NDUFAF6: variants seen among roughly 807,000 people sequenced by gnomAD.
The protein encoded by NDUFAF6 is NADH:ubiquinone oxidoreductase complex assembly factor 6, also known as NADH dehydrogenase (ubiquinone) complex I, assembly factor 6.
A neutral mutation model predicts 40.8 loss-of-function variants in NDUFAF6; 45 were observed. The observed-to-expected ratio is 1.10, with a 90% CI of 0.87 to 1.42. The LOEUF (loss-of-function observed/expected upper bound fraction) is 1.42, where lower values mean the gene tolerates loss of function less well. NDUFAF6 is among the 40% of genes most tolerant of loss of function. NDUFAF6 has a pLI of 0.00. For missense variants in NDUFAF6, 435 were observed against 418.5 expected (o/e 1.04, Z -0.34); for synonymous variants, 185 against 155.9 (o/e 1.19, Z -1.39).
chr8:95,075,681 A>C (rs1008016377), exon 10 of NDUFAF6: 57 of 1,288,160 alleles, frequency 4.4e-5, no homozygotes, highest in Non-Finnish European at 5.6e-5. Flanking sequence ...ACAGCCAGCC[A>C]GCCTGGGAAA....
At chr8:94,978,062 A>G (rs181718832) in intron 1 of NDUFAF6, among the ~76,000 whole-genome samples, 183 of 152,210 alleles carry the variant, frequency 1.2e-3, no homozygotes, top group African/African-American at 4.1e-3. Flanking sequence ...CCCGGGTACT[A>G]GAAGAGTCCT....
At chr8:95,056,689 G>A (rs972055434) in intron 8 of NDUFAF6, among the ~76,000 whole-genome samples, 3 of 151,898 alleles carry the variant, frequency 2.0e-5, no homozygotes, top group African/African-American at 4.8e-5. Flanking sequence ...GATGGATCAC[G>A]AGGTCAGGAG....
chr8:95,046,544 A>G (rs912260950), intron 5 of NDUFAF6, among the ~76,000 whole-genome samples: 1 of 152,226 alleles, frequency 6.6e-6, no homozygotes, highest in Non-Finnish European at 1.5e-5. Flanking sequence ...TAAAAGAATA[A>G]TACAAGTCCC....
At chr8:94,905,856 G>A (rs758658496) in intron 1 of NDUFAF6, among the ~76,000 whole-genome samples, 3 of 152,198 alleles carry the variant, frequency 2.0e-5, no homozygotes, top group Non-Finnish European at 4.4e-5. Context: ...CTGCCCACAC[G>A]TTGTAGATTA....
At chr8:94,957,930 G>C (rs11782590), upstream of NDUFAF6, 19,727 of 152,258 alleles carry the variant, frequency 0.13, 1,629 homozygotes, top group Middle Eastern at 0.23. Flanking sequence ...CCAGCTCACC[G>C]CCATTGGACC....
downstream of NDUFAF6, among the ~76,000 whole-genome samples, chr8:95,106,164 A>G (rs970378381): frequency 6.6e-6 from 1 of 151,588 alleles, no homozygotes; most frequent in East Asian, 1.9e-4. Context: ...GGTCCCAGCT[A>G]CCCGGGAGGC....
At chr8:94,941,267 C>G (rs1269044140) in intron 1 of NDUFAF6, among the ~76,000 whole-genome samples, 1 of 152,136 alleles carries the variant, frequency 6.6e-6, no homozygotes, top group African/African-American at 2.4e-5. Flanking sequence ...TTTGTAAATA[C>G]TCTTACTCAA....
At chr8:95,088,951 A>G (rs1457556056) in intron 2 of NDUFAF6, among the ~76,000 whole-genome samples, 4 of 151,626 alleles carry the variant, frequency 2.6e-5, no homozygotes, top group African/African-American at 4.9e-5. Context: ...TAGTAGAGAC[A>G]GGGTTTCACC....
At position 95,058,130 on chromosome 8, in the gene NDUFAF6, T is replaced by G; in HGVS notation, c.*193T>G. The G allele has an allele frequency of 6.9e-7, 1 of 1,445,706 alleles. No homozygotes were observed. The highest frequency in any genetic ancestry group is 9.0e-7 in the Non-Finnish European group (1 of 1,110,446). 89.6% of individuals were successfully genotyped at this position (1,445,706 alleles called of 1,614,324 possible). ...ACTGCTGAGATTCTGGCAGAGGCACTGCCATTGGCACCCCTGGCCCAGACA... is the reference window on the plus strand; with the variant it reads ...ACTGCTGAGATTCTGGCAGAGGCACGGCCATTGGCACCCCTGGCCCAGACA... On this transcript the variant is annotated 3_prime_UTR_variant, in exon 9 of 9. Coordinates refer to ENST00000396124, the MANE Select transcript of NDUFAF6 (RefSeq NM_152416.4).
At chr8:94,952,507 A>T (rs1044104661) in intron 2 of NDUFAF6, among the ~76,000 whole-genome samples, 2 of 152,202 alleles carry the variant, frequency 1.3e-5, no homozygotes, top group East Asian at 1.9e-4. Flanking sequence ...GAATTTTTTT[A>T]AATTGCATTT....
At chr8:95,069,561 C>T (rs1832784282) in intron 9 of NDUFAF6, among the ~76,000 whole-genome samples, 1 of 151,302 alleles carries the variant, frequency 6.6e-6, no homozygotes, top group Non-Finnish European at 1.5e-5. Flanking sequence ...GGGAGGATTA[C>T]CTGAGGTCAG....
chr8:94,914,469 C>T (rs998875658), intron 1 of NDUFAF6, among the ~76,000 whole-genome samples: 1 of 152,202 alleles, frequency 6.6e-6, no homozygotes, highest in Admixed American at 6.5e-5. Context: ...TTTCCAGCCA[C>T]CGCCAGTTTT....
intron 1 of NDUFAF6, among the ~76,000 whole-genome samples, chr8:94,971,599 C>T (rs1158725686): frequency 6.6e-6 from 1 of 152,186 alleles, no homozygotes; most frequent in African/African-American, 2.4e-5. Flanking sequence ...GACAGAATGA[C>T]ACCTCGTATT....
At chr8:94,994,037 G>A (rs894332565) in intron 2 of NDUFAF6, among the ~76,000 whole-genome samples, 2 of 152,070 alleles carry the variant, frequency 1.3e-5, no homozygotes, top group African/African-American at 4.8e-5. Flanking sequence ...AAATTTGGGA[G>A]AGTAAAGGGT....
chr8:95,096,429 G>A (rs1231281442), upstream of NDUFAF6, among the ~76,000 whole-genome samples: 2 of 152,138 alleles, frequency 1.3e-5, no homozygotes, highest in South Asian at 2.1e-4. Flanking sequence ...AAGCACCTTC[G>A]GGTTTTGTAA....
chr8:95,094,374 CTTTCCTTCTTTCTTTTCT>C (rs11273096), intron 2 of NDUFAF6, among the ~76,000 whole-genome samples: 1 of 84,008 alleles, frequency 1.2e-5, no homozygotes, highest in African/African-American at 5.4e-5. Flanking sequence ...CTTTTCTTTT[CTTTCCTTCTTTCTTTTCT>C]TTTCTTTCTT....
At chr8:95,115,239 C>A (rs561535278) in intron 4 of NDUFAF6, among the ~76,000 whole-genome samples, 3 of 152,206 alleles carry the variant, frequency 2.0e-5, no homozygotes, top group Non-Finnish European at 4.4e-5. Flanking sequence ...CAATATTTGT[C>A]AGCACCAAGA....
chr8:94,985,503 ATATATATATATATTTTTTTTTTTTTTTTT>A (rs1825800452), intron 2 of NDUFAF6, among the ~76,000 whole-genome samples: 1 of 7,740 alleles, frequency 1.3e-4, no homozygotes, highest in African/African-American at 6.3e-4. Flanking sequence ...ATATATATAT[ATATATATATATATTTTTTTTTTTTTTTTT>A]TTTTTTTTTT....
chr8:95,080,481 T>TG (rs1563858205), downstream of NDUFAF6, among the ~76,000 whole-genome samples: 18 of 139,906 alleles, frequency 1.3e-4, no homozygotes, highest in African/African-American at 4.5e-4. Flanking sequence ...AGTGTATTTT[T>TG]GTAGTGATTT....
Sources: allele counts gnomAD v4.1 joint callset (sites outside exome capture counted in the v4.1 genomes callset), GRCh38; gene constraint gnomAD v4.1.1; transcripts MANE v1.5; gene names NCBI Gene and HGNC (gene_info 2026-07-23, HGNC 2026-07-21).